The following C2orf66 variants were observed in gnomAD, a reference collection of about 807,000 sequenced individuals.
C2orf66 encodes chromosome 2 open reading frame 66.
Under a neutral mutation model 7.0 loss-of-function variants are expected in C2orf66, and 6 were observed. The observed-to-expected ratio is 0.86, with a 90% CI of 0.47 to 1.69. The LOEUF is 1.69. Among genes scored for constraint, C2orf66 ranks in the 40% most tolerant of loss-of-function variants. The pLI, the probability that C2orf66 is intolerant of heterozygous loss-of-function variation, is 0.01. For missense variants in C2orf66, 107 were observed against 112.0 expected (o/e 0.96, Z 0.20); for synonymous variants, 38 against 43.8 (o/e 0.87, Z 0.52).
chr2:196,809,702 T>G (rs1282300555), upstream of C2orf66: 1 of 193,004 alleles, frequency 5.2e-6, no homozygotes, highest in Non-Finnish European at 1.1e-5. Context: ...AAACAAAACC[T>G]TAAATTACTT....
At chr2:196,831,264 C>T in the C2orf66 span, among the ~76,000 whole-genome samples, 2 of 152,214 alleles carry the variant, frequency 1.3e-5, no homozygotes, top group African/African-American at 2.4e-5. Context: ...GTTTACTCAG[C>T]CCCCCTTACT....
intron 1 of C2orf66, among the ~76,000 whole-genome samples, chr2:196,808,205 C>G (rs921344200): frequency 1.3e-5 from 2 of 152,166 alleles, no homozygotes; most frequent in African/African-American, 2.4e-5. Flanking sequence ...CAGAACAAGG[C>G]TAATTCATAG....
the C2orf66 span, among the ~76,000 whole-genome samples, chr2:196,816,073 G>A: frequency 3.3e-5 from 5 of 152,296 alleles, no homozygotes; most frequent in South Asian, 8.3e-4. Context: ...CAGTTTGAAG[G>A]TGGAATAAAG....
chr2:196,831,639 G>GA, the C2orf66 span, among the ~76,000 whole-genome samples: 1 of 152,142 alleles, frequency 6.6e-6, no homozygotes, highest in Non-Finnish European at 1.5e-5. Flanking sequence ...AAAGAACAGC[G>GA]AAAGTGAGAC....
chr2:196,817,368 G>A, the C2orf66 span, among the ~76,000 whole-genome samples: 3 of 151,398 alleles, frequency 2.0e-5, no homozygotes, highest in East Asian at 5.9e-4. Flanking sequence ...CCAAGTAGCT[G>A]GGACCACAGG....
At chr2:196,810,152 G>A (rs1156776730), upstream of C2orf66, 3 of 152,260 alleles carry the variant, frequency 2.0e-5, no homozygotes, top group Admixed American at 6.5e-5. Flanking sequence ...CTTGAACCAC[G>A]AACATTTTAT....
chr2:196,807,417 C>T lies in C2orf66; in HGVS notation c.*19+7G>A. 1.3e-6 allele frequency: 2 copies of T among 1,583,388 alleles called. No homozygotes were observed. The highest frequency in any genetic ancestry group is 1.4e-5 in the African/African-American group (1 of 73,338). On this transcript the variant is annotated splice_region_variant and intron_variant, in intron 2 of 2. Coordinates refer to ENST00000342506, the MANE Select transcript of C2orf66 (RefSeq NM_213608.3). ...GGACAGATCCAGAATAAAGGGCCAA[C>T]TTTTACCTGAGCTCAGAAGAAACTT...
the C2orf66 span, among the ~76,000 whole-genome samples, chr2:196,823,755 G>C: frequency 6.6e-6 from 1 of 152,208 alleles, no homozygotes; most frequent in African/African-American, 2.4e-5. Flanking sequence ...GGGCTGGAAA[G>C]AAAGCACCTA....
At chr2:196,818,302 G>A in the C2orf66 span, among the ~76,000 whole-genome samples, 45 of 152,266 alleles carry the variant, frequency 3.0e-4, 1 homozygote, top group South Asian at 9.3e-3. Context: ...GAGAAAGGAG[G>A]CCCCAGGCCA....
chr2:196,819,405 T>G, the C2orf66 span, among the ~76,000 whole-genome samples: 1 of 152,152 alleles, frequency 6.6e-6, no homozygotes, highest in Non-Finnish European at 1.5e-5. Flanking sequence ...TTCTGCCACG[T>G]AAGGATACAG....
At chr2:196,827,878 A>T in the C2orf66 span, among the ~76,000 whole-genome samples, 1 of 152,228 alleles carries the variant, frequency 6.6e-6, no homozygotes, top group Non-Finnish European at 1.5e-5. Context: ...ATGGGCATGT[A>T]GCTCTGCAAA....
the C2orf66 span, among the ~76,000 whole-genome samples, chr2:196,821,348 A>G: frequency 1.3e-5 from 2 of 152,232 alleles, no homozygotes; most frequent in Non-Finnish European, 2.9e-5. Flanking sequence ...CAGCAGTCAA[A>G]GGAAAAGACT....
upstream of C2orf66, among the ~76,000 whole-genome samples, chr2:196,813,367 C>T (rs1459996825): frequency 6.6e-6 from 1 of 152,150 alleles, no homozygotes; most frequent in African/African-American, 2.4e-5. Flanking sequence ...GGAAAACTGG[C>T]TAGCCATATG....
intron 2 of C2orf66, 138 bp downstream of exon 2, chr2:196,807,280 TTAATAG>T: frequency 2.0e-6 from 1 of 494,580 alleles, no homozygotes; most frequent in Non-Finnish European, 3.4e-6. Context: ...ATCCAAATAC[TTAATAG>T]TAATGAGTAT....
chr2:196,809,169 G>T (rs1699846509), intron 1 of C2orf66, 45 bp downstream of exon 1: 1 of 1,563,046 alleles, frequency 6.4e-7, no homozygotes, highest in Non-Finnish European at 8.7e-7. Flanking sequence ...AATCCAAAGA[G>T]GCATTAGTTC....
intron 1 of C2orf66, among the ~76,000 whole-genome samples, 158 bp downstream of exon 1, chr2:196,809,056 C>T (rs1478987935): frequency 6.6e-6 from 1 of 152,184 alleles, no homozygotes; most frequent in Non-Finnish European, 1.5e-5. Context: ...GGTTGCCAAC[C>T]ACTAGGGTAG....
the C2orf66 span, among the ~76,000 whole-genome samples, chr2:196,820,998 CTCAAAGCAATCAATTTGA>C: frequency 6.6e-6 from 1 of 152,118 alleles, no homozygotes; most frequent in Non-Finnish European, 1.5e-5. Context: ...AGGGTATGCC[CTCAAAGCAATCAATTTGA>C]TTGCTTGTCT....
At chr2:196,813,887 G>A (rs143581913), upstream of C2orf66, among the ~76,000 whole-genome samples, 18 of 152,166 alleles carry the variant, frequency 1.2e-4, no homozygotes, top group South Asian at 2.1e-4. Flanking sequence ...ATCTCACACC[G>A]GTTAGAATGG....
At chr2:196,826,604 G>A in the C2orf66 span, among the ~76,000 whole-genome samples, 2 of 152,176 alleles carry the variant, frequency 1.3e-5, no homozygotes, top group Non-Finnish European at 2.9e-5. Context: ...TATAGTTGCA[G>A]TTTTCAGAGA....
Sources: allele counts gnomAD v4.1 joint callset (sites outside exome capture counted in the v4.1 genomes callset), GRCh38; gene constraint gnomAD v4.1.1; transcripts MANE v1.5; gene names NCBI Gene and HGNC (gene_info 2026-07-23, HGNC 2026-07-21).